The following WBP1L variants were observed in gnomAD, a reference collection of about 807,000 sequenced individuals.
The protein encoded by WBP1L is WW domain binding protein 1-like.
In WBP1L, 17 loss-of-function variants were observed where a neutral mutation model predicts 33.7. The ratio of observed to expected loss-of-function variants is 0.50; its 90% CI spans 0.34 to 0.76. WBP1L has a LOEUF of 0.76. Ranked by LOEUF, WBP1L falls within the 30% of genes least tolerant of loss-of-function variation. The probability of loss-of-function intolerance (pLI) is 0.01; values close to 1 mark genes in which losing one functional copy is unlikely to be tolerated. For missense variants in WBP1L, 389 were observed against 469.4 expected, an observed-to-expected ratio of 0.83 and a Z score of 1.58; for synonymous variants, 173 against 190.8, an observed-to-expected ratio of 0.91 and a Z score of 0.77.
intron 1 of WBP1L, among the ~76,000 whole-genome samples, chr10:102,747,741 C>T (rs1263381086): frequency 2.6e-5 from 4 of 152,072 alleles, no homozygotes; most frequent in Non-Finnish European, 4.4e-5. Flanking sequence ...TTGCCCAGGC[C>T]GGTCGCAAAC....
chr10:102,784,421 CTTTTTTTTTTT>C (rs35898015), intron 1 of WBP1L, among the ~76,000 whole-genome samples: 1 of 97,824 alleles, frequency 1.0e-5, no homozygotes, highest in South Asian at 3.5e-4. Context: ...GTTCTTGTTT[CTTTTTTTTTTT>C]TTTTTTTTTT....
At chr10:102,791,859 T>C (rs778684375) in intron 1 of WBP1L, among the ~76,000 whole-genome samples, 1 of 152,220 alleles carries the variant, frequency 6.6e-6, no homozygotes, top group Non-Finnish European at 1.5e-5. Flanking sequence ...GACCCATAAA[T>C]TGGCAGATTA....
chr10:102,754,593 T>A, intron 1 of WBP1L, among the ~76,000 whole-genome samples: 1 of 152,100 alleles, frequency 6.6e-6, no homozygotes, highest in East Asian at 1.9e-4. Context: ...AGATGGGGTT[T>A]CACTATGTTG....
chr10:102,766,918 C>A (rs1301242689), intron 1 of WBP1L, among the ~76,000 whole-genome samples: 1 of 151,982 alleles, frequency 6.6e-6, no homozygotes, highest in Non-Finnish European at 1.5e-5. Context: ...GTTCTTATTC[C>A]GATCTTTGGT....
chr10:102,746,023 C>G, intron 1 of WBP1L: 1 of 411,438 alleles, frequency 2.4e-6, no homozygotes. Context: ...AGGCTGTCCC[C>G]AGTAACCAAT....
rs11819425 is a variant in WBP1L at position 102,777,705 on chromosome 10, C to T, written c.91-20288C>T. The stretch of plus-strand genomic sequence containing the variant: ...TCAGCCTCCTGAGTAGCTGGGATTA[C>T]AGGCATGTGCCACTATACCCGGCTA... On this transcript the variant is annotated intron_variant, in intron 1 of 3. Transcript: ENST00000448841. Among the ~76,000 whole-genome samples the T allele has an allele frequency of 2.6e-3, 400 of 151,156 alleles. 1 individual carries two copies. Among genetic ancestry groups the T allele is most frequent in the African/African-American group, 8.9e-3 (365 of 41,196 alleles).
intron 2 of WBP1L, among the ~76,000 whole-genome samples, chr10:102,799,177 T>C (rs1843616517): frequency 6.6e-6 from 1 of 152,146 alleles, no homozygotes; most frequent in East Asian, 1.9e-4. Flanking sequence ...AATACAAAAA[T>C]TATCTGGGCA....
chr10:102,789,867 C>T (rs903733612), intron 1 of WBP1L, among the ~76,000 whole-genome samples: 3 of 151,692 alleles, frequency 2.0e-5, no homozygotes, highest in Middle Eastern at 3.4e-3. Context: ...CTCAGCCTCC[C>T]GAGTAGCTGG....
chr10:102,764,409 T>C (rs1843083224), intron 1 of WBP1L, among the ~76,000 whole-genome samples: 1 of 152,208 alleles, frequency 6.6e-6, no homozygotes, highest in South Asian at 2.1e-4. Flanking sequence ...TTTGGTCCAG[T>C]GCTTTCCTCA....
intron 1 of WBP1L, chr10:102,744,523 G>A (rs1270803014): frequency 3.1e-6 from 3 of 974,048 alleles, no homozygotes; most frequent in African/African-American, 1.8e-5. Context: ...GGGGTACACA[G>A]GCTATTGAGT....
At chr10:102,747,511 TTTG>T (rs1407274830) in intron 1 of WBP1L, among the ~76,000 whole-genome samples, 1 of 152,116 alleles carries the variant, frequency 6.6e-6, no homozygotes, top group East Asian at 1.9e-4. Flanking sequence ...AATGTTTGTT[TTTG>T]TTGTTGTTGT....
At chr10:102,809,803 G>A in intron 2 of WBP1L, 90 bp from the exon 3 acceptor site, 2 of 1,442,492 alleles carry the variant, frequency 1.4e-6, no homozygotes, top group Non-Finnish European at 1.9e-6. Context: ...AACCACGTGG[G>A]CACCGTCCAG....
chr10:102,772,202 C>T (rs1843196516), intron 1 of WBP1L, among the ~76,000 whole-genome samples: 1 of 151,662 alleles, frequency 6.6e-6, no homozygotes, highest in South Asian at 2.1e-4. Flanking sequence ...TCGTGATCCA[C>T]CCGCCTCTGC....
At chr10:102,753,789 G>A (rs1222824482) in intron 1 of WBP1L, among the ~76,000 whole-genome samples, 5 of 152,166 alleles carry the variant, frequency 3.3e-5, no homozygotes, top group African/African-American at 4.8e-5. Flanking sequence ...ATAAATGTAA[G>A]ATGTTACAAG....
intron 2 of WBP1L, among the ~76,000 whole-genome samples, chr10:102,803,004 C>T (rs1268836559): frequency 1.3e-5 from 2 of 152,216 alleles, no homozygotes; most frequent in Non-Finnish European, 2.9e-5. Flanking sequence ...GACCTTTATT[C>T]TCCCCGTTTT....
chr10:102,777,622 T>C (rs979108403), intron 1 of WBP1L, among the ~76,000 whole-genome samples: 1 of 128,966 alleles, frequency 7.8e-6, no homozygotes, highest in Non-Finnish European at 1.5e-5. Flanking sequence ...CAGGCTGGAG[T>C]GTAGTGGCGT....
chr10:102,745,425 A>G (rs1171339599), intron 1 of WBP1L, among the ~76,000 whole-genome samples: 2 of 152,188 alleles, frequency 1.3e-5, no homozygotes, highest in African/African-American at 2.4e-5. Flanking sequence ...TCACCCCAAT[A>G]GAAAACCTCG....
intron 2 of WBP1L, among the ~76,000 whole-genome samples, chr10:102,806,508 A>G (rs1438791185): frequency 6.6e-6 from 1 of 152,086 alleles, no homozygotes; most frequent in Non-Finnish European, 1.5e-5. Flanking sequence ...GCCAGTGTCT[A>G]CTCTTAAGTC....
In WBP1L at chr10:102,812,845, C is replaced by T; in HGVS notation, c.606C>T (p.Asp202=). The T allele has an allele frequency of 6.3e-7, 1 of 1,578,682 alleles. No homozygotes were observed. Among genetic ancestry groups the T allele is most frequent in the Non-Finnish European group, 8.6e-7 (1 of 1,160,956 alleles). Reference sequence around the variant, plus strand: ...GCATCGCTGACCCTGATCCCTCTGACCTACCAGTTGACCGAGCAGCCACCA... The same window carrying T: ...GCATCGCTGACCCTGATCCCTCTGATCTACCAGTTGACCGAGCAGCCACCA... The part of the protein sequence containing the change: ...PPSIADPDPS[D]LPVDRAATKA... The change falls in exon 4 of 4, where the codon GAC becomes GAT. Residue 202 remains aspartate, a synonymous_variant. Transcript: ENST00000448841.
Sources: gnomAD v4.1 joint callset for allele counts (sites outside exome capture counted in the v4.1 genomes callset) on GRCh38, gnomAD v4.1.1 for gene constraint, MANE v1.5 for transcripts, NCBI Gene and HGNC (gene_info 2026-07-23, HGNC 2026-07-21) for gene names.